Variants in THADA observed in about 807,000 individuals in gnomAD.
THADA encodes the protein tRNA (32-2'-O)-methyltransferase regulator THADA.
THADA carries 213 observed loss-of-function variants against 219.8 expected under a neutral mutation model. The ratio of observed to expected loss-of-function variants is 0.97; its 90% CI spans 0.87 to 1.09. The LOEUF is 1.09. Ranked by LOEUF, THADA falls within the 50% of genes least tolerant of loss-of-function variation. THADA has a pLI of 0.00. For synonymous variants in THADA, 1,018 were observed against 828.9 expected (o/e 1.23, Z -3.92); for missense variants, 2,956 against 2,311.3 (o/e 1.28, Z -5.72).
chr2:43,457,520 GA>G, intron 26 of THADA, among the ~76,000 whole-genome samples: 1 of 152,174 alleles, frequency 6.6e-6, no homozygotes, highest in Middle Eastern at 3.4e-3. Flanking sequence ...AAGGAGCCTA[GA>G]AAAATGACTG....
intron 36 of THADA, among the ~76,000 whole-genome samples, chr2:43,239,405 TCACACAGTGTGTTGCCTC>T (rs1419836417): frequency 6.6e-6 from 1 of 152,220 alleles, no homozygotes; most frequent in Non-Finnish European, 1.5e-5. Context: ...GACCCAGGCC[TCACACAGTGTGTTGCCTC>T]CACTACAAAT....
chr2:43,520,625 G>C (rs1389665683), intron 22 of THADA, among the ~76,000 whole-genome samples: 2 of 151,900 alleles, frequency 1.3e-5, no homozygotes, highest in African/African-American at 4.8e-5. Flanking sequence ...AGGAGGTTGA[G>C]GCTGCAATGA....
At chr2:43,302,453 CTT>C (rs56965071) in intron 31 of THADA, among the ~76,000 whole-genome samples, 6 of 141,210 alleles carry the variant, frequency 4.2e-5, no homozygotes, top group African/African-American at 7.8e-5. Context: ...TTGGAATTAA[CTT>C]TTTTTTTTTT....
intron 21 of THADA, among the ~76,000 whole-genome samples, chr2:43,536,335 T>C (rs1469816676): frequency 6.6e-6 from 1 of 152,218 alleles, no homozygotes; most frequent in African/African-American, 2.4e-5. Flanking sequence ...TACCACACTT[T>C]TTTGTTGCTA....
intron 36 of THADA, among the ~76,000 whole-genome samples, chr2:43,266,890 T>G (rs1470384618): frequency 1.3e-5 from 2 of 152,140 alleles, no homozygotes; most frequent in African/African-American, 4.8e-5. Context: ...AACTTGAGCC[T>G]CCCCTCTCCA....
At chr2:43,494,714 C>T (rs2105046656) in intron 25 of THADA, among the ~76,000 whole-genome samples, 1 of 152,290 alleles carries the variant, frequency 6.6e-6, no homozygotes, top group Admixed American at 6.5e-5. Flanking sequence ...TATGTGTTAT[C>T]TATCCTTGTA....
At chr2:43,277,766 G>A (rs1186783125) in intron 36 of THADA, among the ~76,000 whole-genome samples, 1 of 152,166 alleles carries the variant, frequency 6.6e-6, no homozygotes, top group Non-Finnish European at 1.5e-5. Context: ...GTCAACCACC[G>A]ATTTGGGGAC....
chr2:43,513,753 A>C (rs1361125540), intron 22 of THADA, among the ~76,000 whole-genome samples: 1 of 152,182 alleles, frequency 6.6e-6, no homozygotes, highest in East Asian at 1.9e-4. Flanking sequence ...TATAGAAATA[A>C]ATTTTATATT....
chr2:43,576,095 A>G (rs1317672762), intron 10 of THADA, among the ~76,000 whole-genome samples: 1 of 152,228 alleles, frequency 6.6e-6, no homozygotes, highest in Non-Finnish European at 1.5e-5. Flanking sequence ...AAAATTTTTA[A>G]AGAAAAAATA....
At chr2:43,572,598 G>A (rs1010141899) in intron 12 of THADA, among the ~76,000 whole-genome samples, 5 of 152,150 alleles carry the variant, frequency 3.3e-5, no homozygotes, top group Admixed American at 6.5e-5. Context: ...AGAGTTTCCA[G>A]TTGTTTTATG....
chr2:43,557,177 T>C (rs948591265), intron 16 of THADA, among the ~76,000 whole-genome samples: 1 of 152,212 alleles, frequency 6.6e-6, no homozygotes, highest in Non-Finnish European at 1.5e-5. Flanking sequence ...TCCCTGAATA[T>C]AGGTGAGTTT....
At chr2:43,558,026 T>G (rs1413297750) in intron 16 of THADA, among the ~76,000 whole-genome samples, 1 of 152,222 alleles carries the variant, frequency 6.6e-6, no homozygotes, top group Non-Finnish European at 1.5e-5. Flanking sequence ...CTAAACCATT[T>G]TTTAACTGAC....
At chr2:43,287,648 T>A (rs571378461) in intron 34 of THADA, among the ~76,000 whole-genome samples, 8 of 152,320 alleles carry the variant, frequency 5.3e-5, no homozygotes, top group African/African-American at 1.9e-4. Flanking sequence ...CTGGCATACA[T>A]TTGGTCTGGT....
chr2:43,242,165 C>T (rs1668687945), intron 36 of THADA, among the ~76,000 whole-genome samples: 1 of 152,222 alleles, frequency 6.6e-6, no homozygotes, highest in East Asian at 1.9e-4. Flanking sequence ...GGGGGCACTT[C>T]ATGGCTGAAC....
chr2:43,411,246 C>G (rs1272299486), intron 28 of THADA, among the ~76,000 whole-genome samples: 3 of 152,228 alleles, frequency 2.0e-5, no homozygotes, highest in Non-Finnish European at 4.4e-5. Context: ...AAGTCTGTCT[C>G]ACTGCAGAGC....
At chr2:43,554,983 T>C (rs1055711888) in intron 17 of THADA, among the ~76,000 whole-genome samples, 3 of 152,196 alleles carry the variant, frequency 2.0e-5, no homozygotes, top group Non-Finnish European at 2.9e-5. Context: ...TTGAGTGTCA[T>C]GTTGGTACTC....
chr2:43,575,062 A>G lies in THADA; in HGVS notation c.1038-35T>C, dbSNP rs370737227. On this transcript the variant is annotated intron_variant, in intron 10 of 37. Transcript: ENST00000405975. ...AATGAGCCATGAGCCATTATTGTAAACTGATTAGTAAAAGAAATTTCATTT... is the reference window on the plus strand; with the variant it reads ...AATGAGCCATGAGCCATTATTGTAAGCTGATTAGTAAAAGAAATTTCATTT... 6 of 1,433,376 alleles carry G rather than the reference A, an allele frequency of 4.2e-6. No individual in the cohort carries two copies. The African/African-American group carries it at 8.6e-5, about 20-fold the overall frequency. 88.8% of individuals were successfully genotyped at this position (1,433,376 alleles called of 1,614,324 possible). A position where few individuals can be genotyped will look rare whatever the true frequency, so the allele number is the denominator to read the frequency against.
rs779034241 is a variant in THADA, at chr2:43,292,907, G to T, written c.4745C>A (p.Pro1582His). The change falls in exon 32 of 38, where the codon CCC (proline) becomes CAC (histidine). Residue 1582 changes from proline to histidine, a missense_variant. Coordinates refer to ENST00000405975, the MANE Select transcript of THADA (RefSeq NM_022065.5). ...ASGLGEKGVPPLLCNMGEKFL... is the reference protein window; with the variant it reads ...ASGLGEKGVPHLLCNMGEKFL... ...CTTCTCTCCCATGTTGCACAGCAAG[G>T]GTGGCACGCCCTTCTCTCCAAGTCC... 7 of 1,613,998 alleles carry T rather than the reference G, an allele frequency of 4.3e-6. No homozygotes were observed. In the Admixed American group the frequency reaches 1.2e-4, roughly 27 times the overall value.
chr2:43,562,213 TTTTC>T (rs1698150607), intron 15 of THADA: 1 of 152,186 alleles, frequency 6.6e-6, no homozygotes. Flanking sequence ...TTTTCTTTCC[TTTTC>T]TTTCTTCTTT....
Sources: gnomAD v4.1 joint callset for allele counts (sites outside exome capture counted in the v4.1 genomes callset) on GRCh38, gnomAD v4.1.1 for gene constraint, MANE v1.5 for transcripts, NCBI Gene and HGNC (gene_info 2026-07-23, HGNC 2026-07-21) for gene names.